NBAS: variants seen among roughly 807,000 people sequenced by gnomAD.
NBAS encodes NAG/BC035112 fusion.
In NBAS, 219 loss-of-function variants were observed where a neutral mutation model predicts 302.5. The observed-to-expected ratio is 0.72, with a 90% confidence interval of 0.65 to 0.81. NBAS has a LOEUF of 0.81. NBAS is among the 30% of genes least tolerant of loss of function. The pLI, the probability that NBAS is intolerant of heterozygous loss-of-function variation, is 0.00. For synonymous variants in NBAS, 1,118 were observed against 1,021.6 expected, an observed-to-expected ratio of 1.09 and a Z score of -1.80; for missense variants, 2,932 against 2,841.6, an observed-to-expected ratio of 1.03 and a Z score of -0.72.
the NBAS span, among the ~76,000 whole-genome samples, chr2:15,000,119 G>A: frequency 1.3e-5 from 2 of 152,146 alleles, no homozygotes; most frequent in African/African-American, 2.4e-5. Flanking sequence ...AGTGAGTGAC[G>A]AATATCAGGG....
chr2:15,008,862 C>G, the NBAS span, among the ~76,000 whole-genome samples: 1 of 152,154 alleles, frequency 6.6e-6, no homozygotes, highest in Non-Finnish European at 1.5e-5. Context: ...ATTCCCACCT[C>G]ATTGTTTAAA....
intron 48 of NBAS, among the ~76,000 whole-genome samples, chr2:15,192,015 C>T (rs1021224855): frequency 3.4e-4 from 52 of 152,180 alleles, no homozygotes; most frequent in African/African-American, 1.2e-3. Context: ...TCAAGTTTCT[C>T]AAATGTCACC....
the NBAS span, among the ~76,000 whole-genome samples, chr2:14,797,395 C>T: frequency 6.6e-6 from 1 of 152,196 alleles, no homozygotes; most frequent in African/African-American, 2.4e-5. Flanking sequence ...GGCATCCATC[C>T]CACATGATGG....
At chr2:15,226,317 T>A (rs1238401731) in intron 47 of NBAS, among the ~76,000 whole-genome samples, 1 of 152,210 alleles carries the variant, frequency 6.6e-6, no homozygotes, top group Non-Finnish European at 1.5e-5. Context: ...TTTAAAATAT[T>A]TGACAGCAGT....
At chr2:15,133,200 G>A in the NBAS span, among the ~76,000 whole-genome samples, 2 of 152,140 alleles carry the variant, frequency 1.3e-5, no homozygotes, top group Non-Finnish European at 1.5e-5. Context: ...TCCTGCCCTG[G>A]GGAAGTTCAC....
At chr2:14,999,739 T>C in the NBAS span, among the ~76,000 whole-genome samples, 4 of 152,214 alleles carry the variant, frequency 2.6e-5, no homozygotes, top group Non-Finnish European at 4.4e-5. Context: ...TTCATAGCAA[T>C]GTGAGAATGG....
At chr2:15,180,588 G>A (rs929633574) in intron 50 of NBAS, among the ~76,000 whole-genome samples, 21 of 152,132 alleles carry the variant, frequency 1.4e-4, no homozygotes, top group Non-Finnish European at 3.1e-4. Context: ...TCCTCCTCTC[G>A]GGTCATGGCA....
chr2:14,856,038 C>G, the NBAS span, among the ~76,000 whole-genome samples: 1 of 152,176 alleles, frequency 6.6e-6, no homozygotes, highest in Non-Finnish European at 1.5e-5. Context: ...ATGCTTATAT[C>G]ACTTCACCTA....
At chr2:15,297,899 C>T (rs930123257) in intron 40 of NBAS, among the ~76,000 whole-genome samples, 2 of 152,008 alleles carry the variant, frequency 1.3e-5, no homozygotes, top group African/African-American at 2.4e-5. Context: ...TAAATATAAA[C>T]ACCCATTAGG....
intron 9 of NBAS, among the ~76,000 whole-genome samples, chr2:15,527,587 A>G (rs1398126334): frequency 6.6e-6 from 1 of 152,174 alleles, no homozygotes; most frequent in East Asian, 1.9e-4. Flanking sequence ...AGCCTCTTCT[A>G]TCAGGGCCTT....
the NBAS span, among the ~76,000 whole-genome samples, chr2:15,106,478 T>TCTCTCTCA: frequency 6.7e-6 from 1 of 150,036 alleles, no homozygotes; most frequent in Non-Finnish European, 1.5e-5. Context: ...TCTCTCTCTC[T>TCTCTCTCA]CACTCTCCAG....
the NBAS span, among the ~76,000 whole-genome samples, chr2:15,013,537 C>T: frequency 6.6e-6 from 1 of 152,122 alleles, no homozygotes; most frequent in Admixed American, 6.6e-5. Flanking sequence ...GTAATCCCAA[C>T]ACTTTAGAAG....
the NBAS span, among the ~76,000 whole-genome samples, chr2:14,860,611 A>C: frequency 6.6e-6 from 1 of 152,202 alleles, no homozygotes; most frequent in African/African-American, 2.4e-5. Context: ...GTTCTCACTC[A>C]TATATGGGAG....
the NBAS span, among the ~76,000 whole-genome samples, chr2:15,151,640 G>C: frequency 1.3e-5 from 2 of 152,140 alleles, no homozygotes; most frequent in East Asian, 3.8e-4. Flanking sequence ...GTCTGGTATC[G>C]TAGAAACTCA....
the NBAS span, among the ~76,000 whole-genome samples, chr2:15,039,907 T>C: frequency 6.6e-6 from 1 of 152,176 alleles, no homozygotes; most frequent in East Asian, 1.9e-4. Context: ...CTGCACTAAA[T>C]GGGGGACAAA....
the NBAS span, among the ~76,000 whole-genome samples, chr2:15,134,065 T>TCTCTCTCTCC: frequency 9.4e-6 from 1 of 106,120 alleles, no homozygotes; most frequent in African/African-American, 3.7e-5. Context: ...TTTCTCTCTC[T>TCTCTCTCTCC]CTCTCTCTCT....
the NBAS span, among the ~76,000 whole-genome samples, chr2:14,924,884 C>T: frequency 6.6e-6 from 1 of 152,136 alleles, no homozygotes; most frequent in African/African-American, 2.4e-5. Flanking sequence ...TGCAAATACA[C>T]CCTACAAGAA....
At chr2:14,843,278 C>T in the NBAS span, among the ~76,000 whole-genome samples, 102 of 152,222 alleles carry the variant, frequency 6.7e-4, no homozygotes, top group African/African-American at 2.2e-3. Flanking sequence ...TGCCCATTTT[C>T]ACAACTTTTA....
the NBAS span, among the ~76,000 whole-genome samples, chr2:14,869,333 CG>C: frequency 1.3e-5 from 2 of 152,094 alleles, no homozygotes; most frequent in East Asian, 3.9e-4. Flanking sequence ...GGAAAATATC[CG>C]TTTCTCCATC....
Sources: allele counts gnomAD v4.1 joint callset (sites outside exome capture counted in the v4.1 genomes callset), GRCh38; gene constraint gnomAD v4.1.1; transcripts MANE v1.5; gene names NCBI Gene and HGNC (gene_info 2026-07-23, HGNC 2026-07-21).